The following MCTP1 variants were observed in gnomAD, a reference collection of about 807,000 sequenced individuals.
MCTP1 encodes multiple C2 and transmembrane domain-containing protein 1.
In MCTP1, 69 loss-of-function variants were observed where a neutral mutation model predicts 120.6. The ratio of observed to expected loss-of-function variants is 0.57; its 90% CI spans 0.47 to 0.70. MCTP1 has a LOEUF of 0.70. Ranked by LOEUF, MCTP1 falls within the 30% of genes least tolerant of loss-of-function variation. MCTP1 has a pLI of 0.00. For missense variants in MCTP1, 1,203 were observed against 1,248.8 expected (o/e 0.96, Z 0.55); for synonymous variants, 529 against 493.1 (o/e 1.07, Z -0.96).
intron 18 of MCTP1, among the ~76,000 whole-genome samples, chr5:94,788,071 T>G (rs955439367): frequency 2.0e-5 from 3 of 152,224 alleles, no homozygotes; most frequent in African/African-American, 7.2e-5. Context: ...CTTAAAGGTG[T>G]TTTTGCTGTT....
chr5:95,074,629 CTG>C (rs755584876), intron 1 of MCTP1, among the ~76,000 whole-genome samples: 21 of 152,106 alleles, frequency 1.4e-4, no homozygotes, highest in Admixed American at 1.3e-4. Flanking sequence ...GTGGACCTAT[CTG>C]TGTGATTACA....
rs1754319017 is a variant in MCTP1, at chr5:94,705,417, T to A, written c.*2079A>T. The A allele has an allele frequency of 6.6e-6, 1 of 151,054 alleles. No individual in the cohort carries two copies. Among genetic ancestry groups the A allele is most frequent in the Non-Finnish European group, 1.5e-5 (1 of 67,512 alleles). The allele number at this position is 151,054 out of a possible 1,614,324, so 9.4% of individuals were successfully genotyped here. ...AAGAGTCAGAGTTTCAGGAAAAAGG[T>A]CTTATTTGTTTAAACCAAATCTGTT... is the stretch of plus-strand genomic sequence containing the variant. On this transcript the variant is annotated 3_prime_UTR_variant, in exon 23 of 23. Transcript: ENST00000515393.
intron 17 of MCTP1, among the ~76,000 whole-genome samples, chr5:94,813,631 G>T (rs1327097471): frequency 6.6e-6 from 1 of 152,044 alleles, no homozygotes; most frequent in African/African-American, 2.4e-5. Flanking sequence ...ATAAAAAGAA[G>T]ATACCTGTAA....
At chr5:95,114,501 G>C (rs1287403758) in intron 1 of MCTP1, among the ~76,000 whole-genome samples, 2 of 152,174 alleles carry the variant, frequency 1.3e-5, no homozygotes, top group Admixed American at 1.3e-4. Context: ...AAGAGAGCAT[G>C]GCAGTAACCT....
At chr5:94,879,317 A>T (rs1458600890) in intron 12 of MCTP1, among the ~76,000 whole-genome samples, 1 of 152,108 alleles carries the variant, frequency 6.6e-6, no homozygotes, top group Non-Finnish European at 1.5e-5. Flanking sequence ...ATTTAAATGC[A>T]GGATTAAATT....
At chr5:94,817,399 C>T (rs1467532158) in intron 17 of MCTP1, among the ~76,000 whole-genome samples, 1 of 147,018 alleles carries the variant, frequency 6.8e-6, no homozygotes, top group Non-Finnish European at 1.5e-5. Context: ...CAGTGAGACT[C>T]TTGTCTCAAA....
chr5:95,167,892 T>G (rs947448281), intron 1 of MCTP1, among the ~76,000 whole-genome samples: 2 of 152,230 alleles, frequency 1.3e-5, no homozygotes, highest in Non-Finnish European at 2.9e-5. Context: ...AGAAGCTCTT[T>G]AGTTTAATTA....
chr5:94,798,322 A>G (rs1015112498), intron 18 of MCTP1, among the ~76,000 whole-genome samples: 3 of 152,162 alleles, frequency 2.0e-5, no homozygotes, highest in Non-Finnish European at 2.9e-5. Context: ...TTGGCAGAAC[A>G]TATGTGATTA....
intron 17 of MCTP1, among the ~76,000 whole-genome samples, chr5:94,809,647 G>A (rs1264838080): frequency 6.6e-6 from 1 of 152,086 alleles, no homozygotes; most frequent in Non-Finnish European, 1.5e-5. Context: ...AAATCAGGCT[G>A]CAAGCACAGT....
At chr5:95,180,824 C>T (rs770979540) in intron 1 of MCTP1, among the ~76,000 whole-genome samples, 9 of 152,088 alleles carry the variant, frequency 5.9e-5, no homozygotes, top group African/African-American at 9.7e-5. Flanking sequence ...CTGCTGCTTC[C>T]CATCTTCTCC....
intron 1 of MCTP1, among the ~76,000 whole-genome samples, chr5:95,021,165 T>C (rs1177641864): frequency 6.6e-6 from 1 of 152,100 alleles, no homozygotes; most frequent in Non-Finnish European, 1.5e-5. Context: ...TTTTCTTACC[T>C]GTAAAGTGGG....
chr5:95,080,188 A>G (rs1045409447), intron 1 of MCTP1, among the ~76,000 whole-genome samples: 1 of 152,166 alleles, frequency 6.6e-6, no homozygotes, highest in Non-Finnish European at 1.5e-5. Context: ...TCCTTTAGGC[A>G]TGTGTACTTT....
intron 19 of MCTP1, among the ~76,000 whole-genome samples, chr5:94,759,530 T>C (rs1012809332): frequency 2.6e-5 from 4 of 152,214 alleles, no homozygotes; most frequent in African/African-American, 9.6e-5. Context: ...ATAGTAACAT[T>C]AAAAAGGGTT....
chr5:94,942,464 T>C (rs749824233), intron 3 of MCTP1, 37 bp from the exon 4 acceptor site: 10 of 1,426,208 alleles, frequency 7.0e-6, no homozygotes, highest in Non-Finnish European at 9.9e-6. Context: ...GTTATAAATA[T>C]CTCCAATATA....
chr5:95,174,164 G>A (rs1390933308), intron 1 of MCTP1, among the ~76,000 whole-genome samples: 1 of 152,064 alleles, frequency 6.6e-6, no homozygotes, highest in Non-Finnish European at 1.5e-5. Context: ...TTTGTTGAAT[G>A]AATAAATGCA....
intron 6 of MCTP1, chr5:94,931,742 C>A: frequency 7.3e-6 from 4 of 550,330 alleles, no homozygotes; most frequent in Non-Finnish European, 1.3e-5. Context: ...GAGAAGTGAC[C>A]AGAGAATAGT....
chr5:94,779,129 T>G lies in MCTP1; in HGVS notation c.2591A>C (p.Glu864Ala), dbSNP rs766355565. The change falls in exon 19 of 23, where the codon GAA becomes GCA. Residue 864 changes from glutamate (E) to alanine (A), a missense_variant. By Grantham distance (107) the Glu-to-Ala change is moderately radical. Coordinates refer to ENST00000515393, the MANE Select transcript of MCTP1 (RefSeq NM_024717.7). Reference sequence around the variant, plus strand: ...AATTACCTTGTCATCTTTGTCATCTTCTTCTTCCTCGTCCTCTAGCATGTC... The same window carrying G: ...AATTACCTTGTCATCTTTGTCATCTGCTTCTTCCTCGTCCTCTAGCATGTC... ...VEDMLEDEEE[E>A]DDKDDKDSEK... 24 of 1,613,592 alleles carry G rather than the reference T, an allele frequency of 1.5e-5. No individual in the cohort carries two copies. Among genetic ancestry groups the G allele is most frequent in the Non-Finnish European group, 2.0e-5 (24 of 1,179,708 alleles).
At chr5:94,981,056 G>A (rs904980738) in intron 2 of MCTP1, among the ~76,000 whole-genome samples, 3 of 152,104 alleles carry the variant, frequency 2.0e-5, no homozygotes, top group Non-Finnish European at 4.4e-5. Flanking sequence ...AATGTGACAA[G>A]TGACTTCAAA....
chr5:95,209,677 G>C (rs1752092961), intron 1 of MCTP1, among the ~76,000 whole-genome samples: 1 of 152,156 alleles, frequency 6.6e-6, no homozygotes, highest in Admixed American at 6.5e-5. Flanking sequence ...TTTAACTCAT[G>C]TTAGGCCACT....
Sources: allele counts gnomAD v4.1 joint callset (sites outside exome capture counted in the v4.1 genomes callset), GRCh38; gene constraint gnomAD v4.1.1; transcripts MANE v1.5; gene names NCBI Gene and HGNC (gene_info 2026-07-23, HGNC 2026-07-21).